The following FER variants were observed in gnomAD, a reference collection of about 807,000 sequenced individuals.
FER encodes FER tyrosine kinase.
Under a neutral mutation model 111.0 loss-of-function variants are expected in FER, and 63 were observed. The observed-to-expected ratio is 0.57, with a 90% CI of 0.46 to 0.70. The LOEUF (loss-of-function observed/expected upper bound fraction) is 0.70, where lower values mean the gene tolerates loss of function less well. Among genes scored for constraint, FER ranks in the 30% least tolerant of loss-of-function variants. FER has a pLI of 0.00. For synonymous variants in FER, 327 were observed against 313.9 expected (o/e 1.04, Z -0.44); for missense variants, 914 against 954.0 (o/e 0.96, Z 0.55).
chr5:109,086,353 G>GGGC (rs949375960), intron 16 of FER, among the ~76,000 whole-genome samples: 22 of 151,526 alleles, frequency 1.5e-4, no homozygotes, highest in Non-Finnish European at 3.1e-4. Flanking sequence ...CCCATCTGTA[G>GGGC]GGCCTGTAAA....
intron 16 of FER, among the ~76,000 whole-genome samples, chr5:109,047,605 A>G (rs923485958): frequency 3.3e-5 from 5 of 152,186 alleles, no homozygotes; most frequent in African/African-American, 4.8e-5. Flanking sequence ...ATTAATTTTT[A>G]ATTTTTTTTT....
At chr5:108,798,090 T>C in intron 2 of FER, 34 bp from the exon 3 acceptor site, 2 of 855,994 alleles carry the variant, frequency 2.3e-6, no homozygotes, top group Non-Finnish European at 3.5e-6. Context: ...TTCCTTTTTA[T>C]TTAAGAGTTT....
chr5:108,879,699 A>T lies in FER; in HGVS notation c.924-3697A>T, dbSNP rs187794336. On this transcript the variant is annotated intron_variant, in intron 8 of 19. Coordinates refer to ENST00000281092, the MANE Select transcript of FER (RefSeq NM_005246.4). ...ATATGTATTTTTTTTAGATTAAAAA[A>T]AAATATATATATATATATATATATA... 7.9e-3 allele frequency among the ~76,000 whole-genome samples: 731 copies of T among 92,510 alleles called. 12 individuals carry two copies. The highest frequency in any genetic ancestry group is 0.021 in the African/African-American group (346 of 16,674). The allele number at this position is 92,510 out of a possible 152,430, so 60.7% of individuals were successfully genotyped here. A position where few individuals can be genotyped will look rare whatever the true frequency, so the allele number is the denominator to read the frequency against.
At chr5:108,859,245 A>G (rs1278679507) in intron 5 of FER, among the ~76,000 whole-genome samples, 1 of 152,018 alleles carries the variant, frequency 6.6e-6, no homozygotes, top group Non-Finnish European at 1.5e-5. Flanking sequence ...ATCTACCACT[A>G]CAGTTTTTCA....
intron 15 of FER, among the ~76,000 whole-genome samples, chr5:109,045,288 C>T (rs975046071): frequency 7.8e-6 from 1 of 127,574 alleles, no homozygotes; most frequent in Non-Finnish European, 1.7e-5. Flanking sequence ...TAAGTATATA[C>T]ATTATATACA....
intron 2 of FER, among the ~76,000 whole-genome samples, chr5:108,776,880 T>C (rs1753554001): frequency 6.6e-6 from 1 of 152,238 alleles, no homozygotes; most frequent in South Asian, 2.1e-4. Context: ...CTAGTTTTGC[T>C]TTTTAAAAAT....
chr5:109,002,048 C>G (rs954780185), intron 13 of FER, among the ~76,000 whole-genome samples: 6 of 151,552 alleles, frequency 4.0e-5, no homozygotes, highest in Non-Finnish European at 8.8e-5. Flanking sequence ...CCATACTGCC[C>G]AAGGTAATTT....
At chr5:109,186,025 C>CT (rs1223653004) in intron 18 of FER, among the ~76,000 whole-genome samples, 175 bp from the exon 19 acceptor site, 7 of 152,164 alleles carry the variant, frequency 4.6e-5, no homozygotes, top group African/African-American at 1.7e-4. Flanking sequence ...TACCACATCA[C>CT]TAGGCAATAG....
At chr5:109,179,636 A>G (rs368492688) in intron 17 of FER, among the ~76,000 whole-genome samples, 2 of 152,246 alleles carry the variant, frequency 1.3e-5, no homozygotes, top group South Asian at 4.1e-4. Flanking sequence ...TAAAATGGAT[A>G]GTTGTGTCTG....
chr5:108,849,979 C>G (rs1311898450), intron 5 of FER, among the ~76,000 whole-genome samples: 1 of 152,058 alleles, frequency 6.6e-6, no homozygotes, highest in African/African-American at 2.4e-5. Context: ...ATCATGAGGT[C>G]AAGAGATCAA....
chr5:108,874,825 A>G (rs62360784), intron 8 of FER, among the ~76,000 whole-genome samples: 34,275 of 152,016 alleles, frequency 0.23, 4,067 homozygotes, highest in African/African-American at 0.28. Flanking sequence ...TTAAATATAA[A>G]TTAAAAAGAA....
At chr5:109,125,163 C>T (rs2126530900) in intron 17 of FER, among the ~76,000 whole-genome samples, 1 of 152,040 alleles carries the variant, frequency 6.6e-6, no homozygotes, top group African/African-American at 2.4e-5. Context: ...TTCTAATACC[C>T]CATGAATTAA....
intron 17 of FER, among the ~76,000 whole-genome samples, chr5:109,106,977 T>C (rs1346033346): frequency 1.3e-5 from 2 of 152,184 alleles, no homozygotes; most frequent in African/African-American, 4.8e-5. Context: ...AGATGCAGTA[T>C]ATGCAGAGAC....
intron 2 of FER, among the ~76,000 whole-genome samples, chr5:108,774,506 T>G (rs2149977509): frequency 6.6e-6 from 1 of 152,304 alleles, no homozygotes; most frequent in African/African-American, 2.4e-5. Context: ...TTGAACTAAT[T>G]TACATTCCCA....
intron 1 of FER, among the ~76,000 whole-genome samples, chr5:108,766,170 G>A (rs1418427129): frequency 6.6e-6 from 1 of 152,066 alleles, no homozygotes; most frequent in African/African-American, 2.4e-5. Flanking sequence ...GGACTCAAGT[G>A]ATCCTCCTGC....
intron 13 of FER, among the ~76,000 whole-genome samples, chr5:109,013,606 G>T (rs1488624394): frequency 4.0e-5 from 6 of 150,634 alleles, no homozygotes; most frequent in Admixed American, 2.6e-4. Context: ...GTAATGGGAT[G>T]GCTGGGTCAA....
At chr5:108,956,604 T>C (rs1346172689) in intron 12 of FER, among the ~76,000 whole-genome samples, 3 of 151,594 alleles carry the variant, frequency 2.0e-5, no homozygotes, top group Non-Finnish European at 4.4e-5. Context: ...GATAGTTTTA[T>C]CTGGTTTCCT....
intron 1 of FER, among the ~76,000 whole-genome samples, chr5:108,754,331 C>A (rs1365841319): frequency 2.0e-5 from 3 of 148,396 alleles, no homozygotes; most frequent in Non-Finnish European, 4.4e-5. Context: ...TCCTTGAGCC[C>A]AGGAGTTCAA....
intron 2 of FER, among the ~76,000 whole-genome samples, chr5:108,795,764 G>C (rs1259044910): frequency 2.6e-5 from 4 of 151,870 alleles, no homozygotes; most frequent in African/African-American, 9.7e-5. Flanking sequence ...TTCTAAATTT[G>C]GTCTCTCTGT....
Sources: gnomAD v4.1 joint callset for allele counts (sites outside exome capture counted in the v4.1 genomes callset) on GRCh38, gnomAD v4.1.1 for gene constraint, MANE v1.5 for transcripts, NCBI Gene and HGNC (gene_info 2026-07-23, HGNC 2026-07-21) for gene names.